The following XXYLT1 variants were observed in gnomAD, a reference collection of about 807,000 sequenced individuals.
XXYLT1 encodes the protein UDP-xylose:alpha-xyloside alpha-1,3-xylosyltransferase.
Under a neutral mutation model 28.9 loss-of-function variants are expected in XXYLT1, and 20 were observed. That is an observed-to-expected ratio of 0.69 (90% CI 0.49 to 1.00). XXYLT1 has a LOEUF of 1.00. Among genes scored for constraint, XXYLT1 ranks in the 50% least tolerant of loss-of-function variants. The pLI is 0.00. For synonymous variants in XXYLT1, 257 were observed against 253.8 expected, an observed-to-expected ratio of 1.01 and a Z score of -0.12; for missense variants, 542 against 560.1, an observed-to-expected ratio of 0.97 and a Z score of 0.33.
intron 3 of XXYLT1, among the ~76,000 whole-genome samples, chr3:195,079,652 C>T (rs1715315343): frequency 6.6e-6 from 1 of 152,084 alleles, no homozygotes; most frequent in South Asian, 2.1e-4. Context: ...AATTGCCAGG[C>T]AGAAGAGCTG....
intron 1 of XXYLT1, among the ~76,000 whole-genome samples, chr3:195,246,779 C>G (rs1345042663): frequency 1.3e-5 from 2 of 152,182 alleles, no homozygotes; most frequent in African/African-American, 4.8e-5. Context: ...TTCCAGACAC[C>G]GTGACACAGG....
chr3:195,134,083 A>T (rs965676982), intron 3 of XXYLT1, among the ~76,000 whole-genome samples: 5 of 152,138 alleles, frequency 3.3e-5, no homozygotes, highest in South Asian at 2.1e-4. Context: ...GAAAGAAAGA[A>T]ATTTTTGTAC....
rs970408256 is a variant in XXYLT1 at position 195,255,979 on chromosome 3, C to T, written c.504+14576G>A. On this transcript the variant is annotated intron_variant, in intron 1 of 3. Transcript: ENST00000310380. The surrounding 1 kb of genome is among the most constrained non-coding windows in gnomAD (Gnocchi z 4.5). ...GGAGGGAGGGAAGGTCCACCCCGGG[C>T]AGCCCTGGGATTCCCCTGTTCTGTG... Among the ~76,000 whole-genome samples, 8 of 152,168 alleles carry T rather than the reference C, an allele frequency of 5.3e-5. No homozygotes were observed. The highest frequency in any genetic ancestry group is 3.9e-4 in the Admixed American group (6 of 15,286).
chr3:195,081,502 T>C lies in XXYLT1; in HGVS notation c.786-11391A>G, dbSNP rs955718486. Among the ~76,000 whole-genome samples the C allele has an allele frequency of 4.2e-5, 6 of 143,560 alleles. No homozygotes were observed. The East Asian group carries it at 6.5e-4, about 16-fold the overall frequency. The allele number at this position is 143,560 out of a possible 152,430, so 94.2% of individuals were successfully genotyped here. ...GAGGGAAGGCCAGGAGGCAGCAATA[T>C]ATCAGATTTCCACTGCCTTGAAAAA... is the stretch of plus-strand genomic sequence containing the variant. On this transcript the variant is annotated intron_variant, in intron 3 of 3. Coordinates refer to ENST00000310380, the MANE Select transcript of XXYLT1 (RefSeq NM_152531.5).
At chr3:195,090,233 A>G (rs1264887113) in intron 3 of XXYLT1, among the ~76,000 whole-genome samples, 1 of 151,416 alleles carries the variant, frequency 6.6e-6, no homozygotes, top group Non-Finnish European at 1.5e-5. Context: ...CATTTTTTTC[A>G]GCACCACACC....
chr3:195,224,917 T>C (rs946747954), intron 2 of XXYLT1, among the ~76,000 whole-genome samples: 1 of 152,180 alleles, frequency 6.6e-6, no homozygotes, highest in African/African-American at 2.4e-5. Flanking sequence ...AACACCTCCA[T>C]CTGTCTGCCC....
intron 3 of XXYLT1, among the ~76,000 whole-genome samples, chr3:195,096,302 G>A (rs1444686342): frequency 6.6e-6 from 1 of 152,218 alleles, no homozygotes; most frequent in African/African-American, 2.4e-5. Context: ...GCCAGACGGG[G>A]AGGCTGGTGA....
At chr3:195,127,916 G>A (rs1204759090) in intron 3 of XXYLT1, among the ~76,000 whole-genome samples, 1 of 152,206 alleles carries the variant, frequency 6.6e-6, no homozygotes, top group African/African-American at 2.4e-5. Context: ...AGAGGTAATT[G>A]TGCAAATGTG....
At chr3:195,119,398 A>T (rs1323989795) in intron 3 of XXYLT1, among the ~76,000 whole-genome samples, 3 of 152,150 alleles carry the variant, frequency 2.0e-5, no homozygotes, top group African/African-American at 7.2e-5. Flanking sequence ...TATAAATATG[A>T]CTTTATTGGT....
intron 2 of XXYLT1, among the ~76,000 whole-genome samples, chr3:195,200,901 G>T (rs1722823965): frequency 6.6e-6 from 1 of 152,108 alleles, no homozygotes; most frequent in Admixed American, 6.5e-5. Context: ...CTCCCCACCA[G>T]TAAAGTTTAG....
intron 3 of XXYLT1, among the ~76,000 whole-genome samples, chr3:195,141,127 G>A (rs923885310): frequency 6.6e-6 from 1 of 152,170 alleles, no homozygotes; most frequent in Non-Finnish European, 1.5e-5. Context: ...AGAACTGTGA[G>A]CAATAAATTC....
intron 3 of XXYLT1, among the ~76,000 whole-genome samples, chr3:195,145,416 G>A (rs1231443583): frequency 2.0e-5 from 3 of 148,138 alleles, no homozygotes; most frequent in Non-Finnish European, 4.5e-5. Flanking sequence ...TCACATGAAC[G>A]GGCACCTCAC....
At chr3:195,238,586 G>A (rs1724651493) in intron 1 of XXYLT1, among the ~76,000 whole-genome samples, 1 of 152,164 alleles carries the variant, frequency 6.6e-6, no homozygotes, top group Non-Finnish European at 1.5e-5. Flanking sequence ...AAACCTCTCT[G>A]AGCCCCAGTT....
At chr3:195,251,732 G>C (rs534078723) in intron 1 of XXYLT1, among the ~76,000 whole-genome samples, 107 of 152,276 alleles carry the variant, frequency 7.0e-4, no homozygotes, top group African/African-American at 2.5e-3. Context: ...CTGCCTCAAA[G>C]GCAGCAAGAC....
chr3:195,110,056 GGT>G lies in XXYLT1; in HGVS notation c.786-39947_786-39946del, dbSNP rs1374362199. On this transcript the variant is annotated intron_variant, in intron 3 of 3. Transcript: ENST00000310380. ...GTCTGGTGTATGTGTGCGTGTGTGTGGTGTGTGTGGTGTCTGGTGTGTGTGGT... is the reference window on the plus strand; with the variant it reads ...GTCTGGTGTATGTGTGCGTGTGTGTGGTGTGTGGTGTCTGGTGTGTGTGGT... Among the ~76,000 whole-genome samples the G allele has an allele frequency of 2.7e-4, 16 of 58,194 alleles. 1 individual carries two copies. The East Asian group carries it at 5.0e-3, about 18-fold the overall frequency. The allele number at this position is 58,194 out of a possible 152,430, so 38.2% of individuals were successfully genotyped here. A position where few individuals can be genotyped will look rare whatever the true frequency, so the allele number is the denominator to read the frequency against.
intron 3 of XXYLT1, among the ~76,000 whole-genome samples, chr3:195,152,960 G>A (rs1720355554): frequency 6.6e-6 from 1 of 152,310 alleles, no homozygotes; most frequent in East Asian, 1.9e-4. Flanking sequence ...CCTCTCTGGG[G>A]AGACCCCTTG....
intron 3 of XXYLT1, among the ~76,000 whole-genome samples, chr3:195,134,826 GGTGTGTGTGTGTGTGTGTGTGTGTGT>G (rs3073321): frequency 1.4e-5 from 2 of 145,482 alleles, no homozygotes; most frequent in Non-Finnish European, 3.0e-5. Context: ...CGTGAAGAGG[GGTGTGTGTGTGTGTGTGTGTGTGTGT>G]GTGTGTGTGT....
At chr3:195,080,022 C>G (rs1196432686) in intron 3 of XXYLT1, among the ~76,000 whole-genome samples, 1 of 151,936 alleles carries the variant, frequency 6.6e-6, no homozygotes, top group Non-Finnish European at 1.5e-5. Flanking sequence ...TGAAGGAAGG[C>G]ATAAGAGATT....
intron 1 of XXYLT1, among the ~76,000 whole-genome samples, chr3:195,251,319 T>C (rs1467633045): frequency 1.3e-5 from 2 of 152,234 alleles, no homozygotes; most frequent in Non-Finnish European, 1.5e-5. Context: ...AAATCACTCA[T>C]GTGACCCCAT....
Sources: allele counts gnomAD v4.1 joint callset (sites outside exome capture counted in the v4.1 genomes callset), GRCh38; gene constraint gnomAD v4.1.1; non-coding constraint Gnocchi (gnomAD v3.1); transcripts MANE v1.5; gene names NCBI Gene and HGNC (gene_info 2026-07-23, HGNC 2026-07-21).